Variants in SLC1A1 observed in about 807,000 individuals in gnomAD.
SLC1A1 encodes the protein excitatory amino acid transporter 3.
A neutral mutation model predicts 53.3 loss-of-function variants in SLC1A1; 43 were observed. The observed-to-expected ratio is 0.81, with a 90% confidence interval of 0.63 to 1.04. SLC1A1 has a LOEUF of 1.04. Ranked by LOEUF, SLC1A1 falls within the 50% of genes least tolerant of loss-of-function variation. SLC1A1 has a pLI of 0.00. For missense variants in SLC1A1, 748 were observed against 664.9 expected (o/e 1.12, Z -1.37); for synonymous variants, 307 against 243.2 (o/e 1.26, Z -2.44).
At chr9:4,510,236 G>A (rs113037839) in intron 1 of SLC1A1, among the ~76,000 whole-genome samples, 25 of 152,292 alleles carry the variant, frequency 1.6e-4, no homozygotes, top group African/African-American at 6.0e-4. Context: ...ATACCAGCAG[G>A]ACCATCTCCT....
chr9:4,537,954 CATAT>C (rs1564016270), intron 1 of SLC1A1, among the ~76,000 whole-genome samples: 1 of 151,990 alleles, frequency 6.6e-6, no homozygotes, highest in Non-Finnish European at 1.5e-5. Context: ...CAAAAAACTA[CATAT>C]ATAGCCATTA....
intron 1 of SLC1A1, among the ~76,000 whole-genome samples, chr9:4,500,732 GAAGT>G (rs1820602712): frequency 6.6e-6 from 1 of 152,160 alleles, no homozygotes; most frequent in African/African-American, 2.4e-5. Flanking sequence ...TAATAGAAAG[GAAGT>G]GTTTCAGTGA....
intron 10 of SLC1A1, among the ~76,000 whole-genome samples, chr9:4,580,830 G>A (rs1307607121): frequency 6.6e-6 from 1 of 152,086 alleles, no homozygotes; most frequent in African/African-American, 2.4e-5. Context: ...AATAGAGGAA[G>A]CATTAGCAGC....
intron 1 of SLC1A1, among the ~76,000 whole-genome samples, chr9:4,543,152 C>G (rs1329943211): frequency 1.3e-5 from 2 of 152,182 alleles, no homozygotes; most frequent in African/African-American, 4.8e-5. Context: ...AATTCTAGTA[C>G]TGATTATAAT....
Position 4,566,038 on chromosome 9 carries a change from C to A in SLC1A1, c.441-9C>A. On this transcript the variant is annotated splice_polypyrimidine_tract_variant and intron_variant, in intron 4 of 11. Transcript: ENST00000262352. The stretch of plus-strand genomic sequence containing the variant: ...CCTAACATAATACTGCCTTTTATGT[C>A]TCCAACAGGAATATGTTCCCTGAGA... 6.2e-7 allele frequency: 1 copy of A among 1,610,876 alleles called. No homozygotes were observed. The highest frequency in any genetic ancestry group is 8.5e-7 in the Non-Finnish European group (1 of 1,177,148).
At chr9:4,505,499 A>G (rs564637911) in intron 1 of SLC1A1, among the ~76,000 whole-genome samples, 3 of 152,232 alleles carry the variant, frequency 2.0e-5, no homozygotes, top group Non-Finnish European at 4.4e-5. Flanking sequence ...TAATATTTTA[A>G]TATCTACAAA....
At chr9:4,525,248 T>TA (rs1816217722) in intron 1 of SLC1A1, among the ~76,000 whole-genome samples, 1 of 152,178 alleles carries the variant, frequency 6.6e-6, no homozygotes, top group African/African-American at 2.4e-5. Context: ...TGTCCATGGC[T>TA]AAAATAAGAG....
chr9:4,584,030 T>C (rs546376514), intron 11 of SLC1A1, among the ~76,000 whole-genome samples: 1 of 152,182 alleles, frequency 6.6e-6, no homozygotes, highest in African/African-American at 2.4e-5. Flanking sequence ...GCATGGATCT[T>C]ACAGCATTTA....
At chr9:4,519,144 T>C (rs1815975155) in intron 1 of SLC1A1, among the ~76,000 whole-genome samples, 1 of 152,258 alleles carries the variant, frequency 6.6e-6, no homozygotes, top group Non-Finnish European at 1.5e-5. Context: ...CTGTTTGCTC[T>C]AAAGAGAAGT....
rs747835332 is a variant in SLC1A1, at chr9:4,585,337, G to A, written c.1354G>A (p.Val452Ile). The change falls in exon 12 of 12, where the codon GTC becomes ATC. Residue 452 changes from valine (V) to isoleucine (I), a missense_variant. Transcript: ENST00000262352. ...LLDRFRTMVN[V>I]LGDAFGTGIV... ...GGACCGGTTCAGGACCATGGTCAAC[G>A]TCCTTGGTGATGCTTTTGGGACGGG... is the stretch of plus-strand genomic sequence containing the variant. The A allele has an allele frequency of 3.7e-6, 6 of 1,614,034 alleles. No individual in the cohort carries two copies. In the South Asian group the frequency reaches 4.4e-5, roughly 12 times the overall value.
intron 1 of SLC1A1, among the ~76,000 whole-genome samples, chr9:4,531,398 T>C (rs886456416): frequency 2.0e-5 from 3 of 152,166 alleles, no homozygotes; most frequent in Admixed American, 1.3e-4. Context: ...AATGGTACAC[T>C]GGGAGATTAT....
At chr9:4,580,110 A>T (rs562790554) in intron 10 of SLC1A1, among the ~76,000 whole-genome samples, 27 of 152,112 alleles carry the variant, frequency 1.8e-4, no homozygotes, top group Non-Finnish European at 3.8e-4. Context: ...ATGTGCCTGT[A>T]GTCCCAGCTA....
At chr9:4,512,583 G>A (rs993314841) in intron 1 of SLC1A1, among the ~76,000 whole-genome samples, 3 of 151,678 alleles carry the variant, frequency 2.0e-5, no homozygotes, top group Non-Finnish European at 4.4e-5. Context: ...TTATGAAAAA[G>A]AAGAAAGTTG....
Position 4,586,058 on chromosome 9 carries a change from T to A in SLC1A1, c.*500T>A, listed in dbSNP as rs114522363. 6.6e-4 allele frequency: 118 copies of A among 178,102 alleles called. No homozygotes were observed. The highest frequency in any genetic ancestry group is 5.8e-3 in the Middle Eastern group (2 of 344). The allele number at this position is 178,102 out of a possible 1,614,324, so 11.0% of individuals were successfully genotyped here. ...ATGTGCCAAAATGTCAATTTTTAAC[T>A]TATCTCCAGCCAATTTCAAAGAAAA... is the stretch of plus-strand genomic sequence containing the variant. On this transcript the variant is annotated 3_prime_UTR_variant, in exon 12 of 12. Coordinates refer to ENST00000262352, the MANE Select transcript of SLC1A1 (RefSeq NM_004170.6).
intron 1 of SLC1A1, among the ~76,000 whole-genome samples, chr9:4,509,781 C>T (rs1017803079): frequency 1.2e-4 from 19 of 152,004 alleles, no homozygotes; most frequent in Admixed American, 3.9e-4. Flanking sequence ...AAGGTTTTCT[C>T]GGGACATCAA....
intron 1 of SLC1A1, among the ~76,000 whole-genome samples, chr9:4,537,751 G>T (rs1423333777): frequency 1.3e-5 from 2 of 152,054 alleles, no homozygotes; most frequent in Non-Finnish European, 2.9e-5. Flanking sequence ...GTAGATTAGT[G>T]GTTACCAGGA....
intron 1 of SLC1A1, among the ~76,000 whole-genome samples, chr9:4,506,130 T>A (rs1459288482): frequency 2.6e-5 from 4 of 152,152 alleles, no homozygotes; most frequent in Non-Finnish European, 5.9e-5. Flanking sequence ...TTAATTTTTG[T>A]ACTTTTAGTA....
rs538326662 is a variant in SLC1A1, at chr9:4,531,573, T to G, written c.92-12994T>G. On this transcript the variant is annotated intron_variant, in intron 1 of 11. Transcript: ENST00000262352. ...AAGCAGCCGGGAAGCTCGAACTGGG[T>G]GGAGCCCACTGCCCCTCAAGGAGGC... 2.6e-4 allele frequency among the ~76,000 whole-genome samples: 40 copies of G among 152,256 alleles called. No homozygotes were observed. In the South Asian group the frequency reaches 7.9e-3, roughly 30 times the overall value.
At chr9:4,561,073 A>G (rs1056694551) in intron 2 of SLC1A1, among the ~76,000 whole-genome samples, 4 of 152,194 alleles carry the variant, frequency 2.6e-5, no homozygotes, top group African/African-American at 9.7e-5. Context: ...AGATAACTGA[A>G]TTCCAAAGGA....
Sources: allele counts gnomAD v4.1 joint callset (sites outside exome capture counted in the v4.1 genomes callset), GRCh38; gene constraint gnomAD v4.1.1; transcripts MANE v1.5; gene names NCBI Gene and HGNC (gene_info 2026-07-23, HGNC 2026-07-21).